BTBD3: variants seen among roughly 807,000 people sequenced by gnomAD.
The protein encoded by BTBD3 is BTB domain containing 3.
In BTBD3, 14 loss-of-function variants were observed where a neutral mutation model predicts 41.6. The observed-to-expected ratio is 0.34, with a 90% CI of 0.22 to 0.53. BTBD3 has a LOEUF of 0.53. Among genes scored for constraint, BTBD3 ranks in the 20% least tolerant of loss-of-function variants. BTBD3 has a pLI of 0.95. For missense variants in BTBD3, 426 were observed against 654.7 expected (o/e 0.65, Z 3.81); for synonymous variants, 249 against 233.7 (o/e 1.07, Z -0.60).
At chr20:11,916,966 A>G (rs996145640), upstream of BTBD3, among the ~76,000 whole-genome samples, 16 of 152,208 alleles carry the variant, frequency 1.1e-4, no homozygotes, top group African/African-American at 3.6e-4. Context: ...ATGGTAGCTT[A>G]TATTCTTCTA....
At chr20:11,892,788 T>G (rs2056763660) in intron 1 of BTBD3, among the ~76,000 whole-genome samples, 1 of 152,180 alleles carries the variant, frequency 6.6e-6, no homozygotes, top group Admixed American at 6.5e-5. Context: ...GCACTATTTC[T>G]CTAAAGCCCT....
At chr20:11,919,905 T>G (rs1422062397) in intron 3 of BTBD3, 69 bp downstream of exon 3, 1 of 1,320,352 alleles carries the variant, frequency 7.6e-7, no homozygotes, top group African/African-American at 1.4e-5. Context: ...GTTTCACAGT[T>G]AAATTTAAGT....
At chr20:11,897,484 C>CAAAAAAAAAAA (rs71186168) in intron 1 of BTBD3, among the ~76,000 whole-genome samples, 1 of 65,370 alleles carries the variant, frequency 1.5e-5, no homozygotes. Flanking sequence ...GTTATTTAAG[C>CAAAAAAAAAAA]AAAAAAAAAA....
At chr20:11,901,714 G>A (rs142728429) in intron 1 of BTBD3, among the ~76,000 whole-genome samples, 3 of 152,222 alleles carry the variant, frequency 2.0e-5, no homozygotes, top group African/African-American at 4.8e-5. Context: ...ATATCTCCTA[G>A]CATATACTCA....
chr20:11,893,215 A>G (rs2056766942), intron 1 of BTBD3, among the ~76,000 whole-genome samples: 1 of 152,216 alleles, frequency 6.6e-6, no homozygotes, highest in Admixed American at 6.5e-5. Flanking sequence ...AATATTTTAA[A>G]CTTTGTAAGT....
intron 1 of BTBD3, chr20:11,910,528 T>C (rs1250036356): frequency 6.6e-6 from 1 of 152,178 alleles, no homozygotes; most frequent in Non-Finnish European, 1.5e-5. Context: ...GTCATATATA[T>C]ATATTGGGAT....
intron 1 of BTBD3, among the ~76,000 whole-genome samples, chr20:11,903,971 G>C (rs1299470495): frequency 1.3e-5 from 2 of 152,144 alleles, no homozygotes; most frequent in African/African-American, 4.8e-5. Context: ...ATATATTTTG[G>C]AGTGAATGGT....
chr20:11,916,137 A>G (rs1375957673), upstream of BTBD3, among the ~76,000 whole-genome samples: 1 of 152,200 alleles, frequency 6.6e-6, no homozygotes, highest in Non-Finnish European at 1.5e-5. Flanking sequence ...TGACCTGAAA[A>G]GCCAGATACT....
intron 1 of BTBD3, among the ~76,000 whole-genome samples, chr20:11,912,419 C>T (rs1414636060): frequency 1.3e-5 from 2 of 152,138 alleles, no homozygotes; most frequent in Admixed American, 6.6e-5. Flanking sequence ...GGGTGTGGAC[C>T]GGATCACAGT....
rs36075696 is a variant in BTBD3 at position 11,891,701 on chromosome 20, C to A, written c.-126+747C>A. ...GAAGAAAAGGCTTTTACCTCCTGGCCTTTTCAAAGAAAGTATTGTTCGGGC... is the reference window on the plus strand; with the variant it reads ...GAAGAAAAGGCTTTTACCTCCTGGCATTTTCAAAGAAAGTATTGTTCGGGC... On this transcript the variant is annotated intron_variant, in intron 1 of 4. Coordinates refer to the BTBD3 transcript ENST00000254977. Among the ~76,000 whole-genome samples the A allele has an allele frequency of 9.0e-3, 1,366 of 152,286 alleles. 11 individuals are homozygous for A. Among genetic ancestry groups the A allele is most frequent in the Middle Eastern group, 0.027 (8 of 294 alleles).
At chr20:11,909,048 G>A (rs946116445) in intron 1 of BTBD3, among the ~76,000 whole-genome samples, 2 of 152,006 alleles carry the variant, frequency 1.3e-5, no homozygotes, top group African/African-American at 4.8e-5. Context: ...AGGAGTTCGG[G>A]TGGATCACAT....
At chr20:11,895,405 T>C (rs2056780463) in intron 1 of BTBD3, among the ~76,000 whole-genome samples, 1 of 152,232 alleles carries the variant, frequency 6.6e-6, no homozygotes, top group South Asian at 2.1e-4. Context: ...CATCTGCCTC[T>C]TCTTCCCCCC....
chr20:11,926,492 A>G lies in BTBD3; in HGVS notation c.*2826A>G, dbSNP rs1022073555. The G allele has an allele frequency of 6.6e-6, 1 of 152,654 alleles. No homozygotes were observed. The highest frequency in any genetic ancestry group is 2.4e-5 in the African/African-American group (1 of 41,456). 9.5% of individuals were successfully genotyped at this position (152,654 alleles called of 1,614,324 possible). On this transcript the variant is annotated 3_prime_UTR_variant, in exon 4 of 4. Transcript: ENST00000378226. ...AAAATACATAAATATGAAGTACCTC[A>G]TGTTGAATGTTATTGTACTGTATTT... is the stretch of plus-strand genomic sequence containing the variant.
At chr20:11,912,072 C>A (rs996938477) in intron 1 of BTBD3, among the ~76,000 whole-genome samples, 10 of 152,108 alleles carry the variant, frequency 6.6e-5, no homozygotes, top group Admixed American at 3.3e-4. Flanking sequence ...TTAACTGGAG[C>A]TCTGTGTGGT....
At chr20:11,897,117 TTTCTC>T (rs1441512241) in intron 1 of BTBD3, among the ~76,000 whole-genome samples, 1 of 152,164 alleles carries the variant, frequency 6.6e-6, no homozygotes, top group Non-Finnish European at 1.5e-5. Context: ...TTGTGTTGGT[TTTCTC>T]TTCTCACCAG....
At chr20:11,894,327 G>C (rs1227818425) in intron 1 of BTBD3, among the ~76,000 whole-genome samples, 1 of 152,194 alleles carries the variant, frequency 6.6e-6, no homozygotes, top group African/African-American at 2.4e-5. Flanking sequence ...CTGGGGCAGA[G>C]GTGAACTCTT....
chr20:11,906,560 G>A (rs946381766), intron 1 of BTBD3, among the ~76,000 whole-genome samples: 8 of 151,862 alleles, frequency 5.3e-5, no homozygotes, highest in Non-Finnish European at 7.4e-5. Context: ...CACCATACCC[G>A]GCCTGTTACT....
At chr20:11,912,359 G>T (rs1003912851) in intron 1 of BTBD3, among the ~76,000 whole-genome samples, 40 of 152,232 alleles carry the variant, frequency 2.6e-4, no homozygotes, top group African/African-American at 9.6e-4. Context: ...CCAGCCTGAA[G>T]TGTGGGTTCA....
rs368759423 is a variant in BTBD3 at position 11,919,807 on chromosome 20, C to A, written c.507C>A (p.Val169=). Residue 169 remains valine (V), a synonymous_variant, in exon 3 of 4, where the codon GTC becomes GTA. Coordinates refer to ENST00000378226, the MANE Select transcript of BTBD3 (RefSeq NM_014962.4). ...EDKDEIRIPD[V]EPAAFLAMLK... is the part of the protein sequence containing the mutation. Reference sequence around the variant, plus strand: ...AAGATGAAATCCGTATACCAGATGTCGAACCTGCTGCTTTTCTCGCTATGC... The same window carrying A: ...AAGATGAAATCCGTATACCAGATGTAGAACCTGCTGCTTTTCTCGCTATGC... 2 of 1,614,104 alleles carry A rather than the reference C, an allele frequency of 1.2e-6. No individual in the cohort carries two copies. The highest frequency in any genetic ancestry group is 8.5e-7 in the Non-Finnish European group (1 of 1,179,992).
Sources: gnomAD v4.1 joint callset for allele counts (sites outside exome capture counted in the v4.1 genomes callset) on GRCh38, gnomAD v4.1.1 for gene constraint, MANE v1.5 for transcripts, NCBI Gene and HGNC (gene_info 2026-07-23, HGNC 2026-07-21) for gene names.